Variants in SHISA9 observed in about 807,000 individuals in gnomAD.
SHISA9 encodes the protein protein shisa-9.
In SHISA9, 13 loss-of-function variants were observed where a neutral mutation model predicts 38.0. The ratio of observed to expected loss-of-function variants is 0.34; its 90% CI spans 0.22 to 0.54. The LOEUF is 0.54. Ranked by LOEUF, SHISA9 falls within the 20% of genes least tolerant of loss-of-function variation. SHISA9 has a pLI of 0.91. For missense variants in SHISA9, 538 were observed against 575.8 expected, an observed-to-expected ratio of 0.93 and a Z score of 0.67; for synonymous variants, 275 against 242.0, an observed-to-expected ratio of 1.14 and a Z score of -1.27.
the SHISA9 span, among the ~76,000 whole-genome samples, chr16:13,557,712 A>G: frequency 4.6e-5 from 7 of 152,182 alleles, no homozygotes; most frequent in Non-Finnish European, 1.5e-5. Context: ...GACTTTTGCA[A>G]CAAGAAAGAG....
the SHISA9 span, among the ~76,000 whole-genome samples, chr16:13,450,551 A>G: frequency 6.6e-6 from 1 of 152,170 alleles, no homozygotes; most frequent in Non-Finnish European, 1.5e-5. Context: ...TTTCATGGCA[A>G]ATAAAAATGA....
intron 2 of SHISA9, among the ~76,000 whole-genome samples, chr16:13,037,959 C>A (rs542837572): frequency 1.3e-5 from 2 of 152,132 alleles, no homozygotes; most frequent in South Asian, 4.1e-4. Flanking sequence ...CTGAAAGCAT[C>A]GTGCTATGCT....
chr16:13,460,435 G>A, the SHISA9 span, among the ~76,000 whole-genome samples: 1 of 152,138 alleles, frequency 6.6e-6, no homozygotes, highest in South Asian at 2.1e-4. Context: ...CCACTTTACA[G>A]AGGAGGAACC....
At chr16:13,462,040 C>T in the SHISA9 span, among the ~76,000 whole-genome samples, 1 of 151,990 alleles carries the variant, frequency 6.6e-6, no homozygotes, top group Admixed American at 6.6e-5. Context: ...GAGGCTGAGG[C>T]AGGAGGATCA....
intron 2 of SHISA9, among the ~76,000 whole-genome samples, chr16:13,128,689 GTCTA>G (rs2050281778): frequency 2.0e-5 from 3 of 152,176 alleles, no homozygotes; most frequent in Non-Finnish European, 4.4e-5. Flanking sequence ...GACTTTGTGA[GTCTA>G]GCTTATGTCC....
the SHISA9 span, among the ~76,000 whole-genome samples, chr16:13,413,013 G>T: frequency 3.3e-5 from 5 of 151,890 alleles, no homozygotes; most frequent in African/African-American, 9.7e-5. Flanking sequence ...GAATAAAATG[G>T]TATAACAGAA....
chr16:13,143,348 C>A (rs577886236), intron 2 of SHISA9, among the ~76,000 whole-genome samples: 8 of 152,214 alleles, frequency 5.3e-5, no homozygotes, highest in African/African-American at 1.9e-4. Context: ...TTCATGAAAG[C>A]TTTTAGCCTA....
intron 2 of SHISA9, among the ~76,000 whole-genome samples, chr16:12,942,773 T>C (rs2071628088): frequency 6.6e-6 from 1 of 151,616 alleles, no homozygotes; most frequent in South Asian, 2.1e-4. Flanking sequence ...TTTTCCATTT[T>C]GCTCTCATCT....
At chr16:13,016,525 A>C (rs56207933) in intron 2 of SHISA9, among the ~76,000 whole-genome samples, 11,944 of 152,074 alleles carry the variant, frequency 0.079, 625 homozygotes, top group East Asian at 0.27. Context: ...TGGGAAGAAG[A>C]CTCAGGTGAG....
chr16:13,105,763 C>T (rs1256271879), intron 2 of SHISA9, among the ~76,000 whole-genome samples: 2 of 152,198 alleles, frequency 1.3e-5, no homozygotes, highest in African/African-American at 4.8e-5. Context: ...AGACTCCATC[C>T]TTATAGGTTC....
At position 13,169,770 on chromosome 16, in the gene SHISA9, A is replaced by G. The variant is rs547632169; in HGVS notation, c.692-33624A>G. Among the ~76,000 whole-genome samples, 27 of 152,264 alleles carry G rather than the reference A, an allele frequency of 1.8e-4. 1 individual carries two copies. Among genetic ancestry groups the G allele is most frequent in the Admixed American group, 5.9e-4 (9 of 15,310 alleles). ...AAGCTAATGATGACATATGATTGCTATGGGTGGAAATGTATGCTCTGTGTC... is the reference window on the plus strand; with the variant it reads ...AAGCTAATGATGACATATGATTGCTGTGGGTGGAAATGTATGCTCTGTGTC... On this transcript the variant is annotated intron_variant, in intron 2 of 4. Coordinates refer to ENST00000558583, the MANE Select transcript of SHISA9 (RefSeq NM_001145204.3).
the SHISA9 span, among the ~76,000 whole-genome samples, chr16:13,524,564 T>A: frequency 6.6e-6 from 1 of 152,014 alleles, no homozygotes; most frequent in Non-Finnish European, 1.5e-5. Flanking sequence ...TTGGGCTGGG[T>A]CAAAAAATTT....
chr16:13,492,880 G>T, the SHISA9 span, among the ~76,000 whole-genome samples: 17 of 152,206 alleles, frequency 1.1e-4, no homozygotes, highest in Non-Finnish European at 2.4e-4. Flanking sequence ...GGAATAGCAG[G>T]TTCTGGGGTT....
chr16:13,412,913 A>G, the SHISA9 span, among the ~76,000 whole-genome samples: 1 of 152,168 alleles, frequency 6.6e-6, no homozygotes, highest in African/African-American at 2.4e-5. Flanking sequence ...AGACAATTAA[A>G]TAACAAACTC....
At chr16:12,925,899 T>G (rs1253177957) in intron 2 of SHISA9, among the ~76,000 whole-genome samples, 1 of 152,132 alleles carries the variant, frequency 6.6e-6, no homozygotes, top group Non-Finnish European at 1.5e-5. Context: ...TTATTATTAT[T>G]CTTTTTAGTA....
At chr16:13,179,426 A>G (rs1222902172) in intron 2 of SHISA9, among the ~76,000 whole-genome samples, 1 of 152,206 alleles carries the variant, frequency 6.6e-6, no homozygotes, top group Non-Finnish European at 1.5e-5. Flanking sequence ...TCCTCACAAC[A>G]CCATTAAAAG....
chr16:13,084,074 G>T (rs550547480), intron 2 of SHISA9, among the ~76,000 whole-genome samples: 24 of 149,926 alleles, frequency 1.6e-4, no homozygotes, highest in Admixed American at 1.1e-3. Context: ...TTGCAGTGAG[G>T]TTATTCATAT....
the SHISA9 span, among the ~76,000 whole-genome samples, chr16:13,359,868 A>C: frequency 6.6e-6 from 1 of 152,222 alleles, no homozygotes; most frequent in Non-Finnish European, 1.5e-5. Context: ...CATTATTTGC[A>C]GATAGGCAGC....
At chr16:13,317,204 G>A in the SHISA9 span, among the ~76,000 whole-genome samples, 6 of 152,240 alleles carry the variant, frequency 3.9e-5, no homozygotes, top group African/African-American at 1.4e-4. Context: ...ATGGACCAGA[G>A]AGTGGGACAT....
Sources: gnomAD v4.1 joint callset for allele counts (sites outside exome capture counted in the v4.1 genomes callset) on GRCh38, gnomAD v4.1.1 for gene constraint, MANE v1.5 for transcripts, NCBI Gene and HGNC (gene_info 2026-07-23, HGNC 2026-07-21) for gene names.